The following ARHGAP29 variants were observed in gnomAD, a reference collection of about 807,000 sequenced individuals.
ARHGAP29 encodes the protein rho GTPase-activating protein 29.
A neutral mutation model predicts 122.6 loss-of-function variants in ARHGAP29; 43 were observed. The ratio of observed to expected loss-of-function variants is 0.35; its 90% CI spans 0.27 to 0.45. The LOEUF is 0.45. Ranked by LOEUF, ARHGAP29 falls within the 20% of genes least tolerant of loss-of-function variation. The pLI is 1.00. For synonymous variants in ARHGAP29, 506 were observed against 497.1 expected (o/e 1.02, Z -0.24); for missense variants, 1,303 against 1,477.2 (o/e 0.88, Z 1.93).
At chr1:94,177,395 G>T in intron 22 of ARHGAP29, 1 of 391,760 alleles carries the variant, frequency 2.6e-6, no homozygotes, top group Non-Finnish European at 4.5e-6. Context: ...TAAACTCCAA[G>T]ATGTCTTATT....
chr1:94,310,660 T>C, the ARHGAP29 span, among the ~76,000 whole-genome samples: 1 of 152,168 alleles, frequency 6.6e-6, no homozygotes, highest in Non-Finnish European at 1.5e-5. Flanking sequence ...TACTTCCTTT[T>C]TGCTATCTCA....
At chr1:94,204,144 CTT>C (rs371499898) in intron 7 of ARHGAP29, 150 bp from the exon 8 acceptor site, 4,443 of 372,346 alleles carry the variant, frequency 0.012, no homozygotes, top group South Asian at 0.017. Flanking sequence ...TTCTTTCTTC[CTT>C]TTTTTTTTTT....
chr1:94,293,030 C>T, the ARHGAP29 span, among the ~76,000 whole-genome samples: 3 of 152,238 alleles, frequency 2.0e-5, no homozygotes, highest in Admixed American at 2.0e-4. Context: ...CAGAAGCTGT[C>T]TGCTGCATTT....
chr1:94,186,043 T>C (rs1192445045), intron 16 of ARHGAP29, among the ~76,000 whole-genome samples: 3 of 152,206 alleles, frequency 2.0e-5, no homozygotes, highest in Non-Finnish European at 2.9e-5. Context: ...TATATGAATC[T>C]AATTCAAGTC....
At chr1:94,211,286 C>CAAAA (rs1651586267) in intron 3 of ARHGAP29, among the ~76,000 whole-genome samples, 1 of 1,682 alleles carries the variant, frequency 5.9e-4, no homozygotes. Flanking sequence ...GGCTCTGGCT[C>CAAAA]CAAAAAAAAA....
upstream of ARHGAP29, among the ~76,000 whole-genome samples, chr1:94,241,728 ATATATT>A (rs1653594493): frequency 7.7e-6 from 1 of 130,186 alleles, no homozygotes; most frequent in Admixed American, 8.1e-5. Flanking sequence ...TATATATAAT[ATATATT>A]TATATATATA....
chr1:94,179,822 C>G lies in ARHGAP29; in HGVS notation c.2383G>C (p.Glu795Gln). Reference sequence around the variant, plus strand: ...CTTTTTAGAAGAATTCGGTTTATTTCTATACACATATTTGGCCATTTTTTG... The same window carrying G: ...CTTTTTAGAAGAATTCGGTTTATTTGTATACACATATTTGGCCATTTTTTG... ...EDKKWPNMCI[E>Q]INRILLKSKD... Residue 795 changes from glutamate to glutamine, a missense_variant, in exon 20 of 23, where the codon GAA (glutamate) becomes CAA (glutamine). Physicochemically the swap from Glu to Gln is conservative, Grantham distance 29. Coordinates refer to ENST00000260526, the MANE Select transcript of ARHGAP29 (RefSeq NM_004815.4). The G allele has an allele frequency of 6.2e-7, 1 of 1,613,384 alleles. No homozygotes were observed. The highest frequency in any genetic ancestry group is 8.5e-7 in the Non-Finnish European group (1 of 1,179,678).
chr1:94,222,783 T>C (rs1015916391), intron 2 of ARHGAP29, among the ~76,000 whole-genome samples: 3 of 152,194 alleles, frequency 2.0e-5, no homozygotes, highest in Non-Finnish European at 4.4e-5. Context: ...ATATAAGATG[T>C]TAATACAGTG....
chr1:94,210,112 C>T (rs1651490320), intron 3 of ARHGAP29, among the ~76,000 whole-genome samples: 3 of 152,080 alleles, frequency 2.0e-5, no homozygotes, highest in Admixed American at 1.3e-4. Context: ...ACACGGTTTA[C>T]CAAGACAAAG....
intron 1 of ARHGAP29, among the ~76,000 whole-genome samples, chr1:94,251,931 G>A (rs190284003): frequency 6.6e-6 from 1 of 151,936 alleles, no homozygotes; most frequent in Non-Finnish European, 1.5e-5. Flanking sequence ...TACTAGTATG[G>A]GTATGTTAAG....
intron 5 of ARHGAP29, among the ~76,000 whole-genome samples, chr1:94,207,699 C>T (rs554940003): frequency 1.3e-5 from 2 of 152,176 alleles, no homozygotes; most frequent in East Asian, 1.9e-4. Flanking sequence ...GCTTCAGTAA[C>T]GGTCATAATT....
chr1:94,189,191 C>T, intron 14 of ARHGAP29, 25 bp downstream of exon 14: 1 of 1,575,220 alleles, frequency 6.3e-7, no homozygotes, highest in Non-Finnish European at 8.6e-7. Context: ...TATAAATTAG[C>T]ACTCTCTTTA....
At chr1:94,303,615 G>A in the ARHGAP29 span, among the ~76,000 whole-genome samples, 1 of 152,180 alleles carries the variant, frequency 6.6e-6, no homozygotes, top group African/African-American at 2.4e-5. Context: ...TGACATAAGG[G>A]TTAAATGAGA....
chr1:94,300,166 G>A, the ARHGAP29 span, among the ~76,000 whole-genome samples: 2 of 152,132 alleles, frequency 1.3e-5, no homozygotes, highest in Middle Eastern at 6.3e-3. Flanking sequence ...TGCTTCTCCT[G>A]AAGCCTCATC....
chr1:94,300,730 C>T, the ARHGAP29 span, among the ~76,000 whole-genome samples: 1 of 152,140 alleles, frequency 6.6e-6, no homozygotes, highest in Admixed American at 6.5e-5. Flanking sequence ...GTTCTTAGCA[C>T]CTGGCATAAT....
Position 94,209,317 on chromosome 1 carries a change from T to G in ARHGAP29, c.374A>C (p.Lys125Thr). Reference protein sequence around the residue: ...VNFTEVNEENKNDLFQEVFSS... With the variant: ...VNFTEVNEENTNDLFQEVFSS... ...AAACACTTCCTGGAAGAGATCGTTT[T>G]TGTTTTCTTCATTAACTTCTGTGAA... Residue 125 changes from lysine to threonine, a missense_variant, in exon 4 of 23, where the codon AAA becomes ACA. Lys to Thr is a moderately conservative substitution (Grantham distance 78). Coordinates refer to ENST00000260526, the MANE Select transcript of ARHGAP29 (RefSeq NM_004815.4). 1 of 1,609,282 alleles carries G rather than the reference T, an allele frequency of 6.2e-7. No homozygotes were observed. Among genetic ancestry groups the G allele is most frequent in the South Asian group, 1.1e-5 (1 of 90,238 alleles).
chr1:94,237,723 C>CGCGCGCAGAACGCGACCGTCAGTT, upstream of ARHGAP29: 3 of 985,304 alleles, frequency 3.0e-6, no homozygotes, highest in Non-Finnish European at 3.6e-6. Flanking sequence ...GCAACTAGCT[C>CGCGCGCAGAACGCGACCGTCAGTT]GCGCGCAGAA....
intron 12 of ARHGAP29, among the ~76,000 whole-genome samples, chr1:94,201,394 T>C (rs559508645): frequency 2.3e-4 from 35 of 152,286 alleles, no homozygotes; most frequent in African/African-American, 7.5e-4. Flanking sequence ...GTAAGAATTG[T>C]AACTTATCAG....
At chr1:94,275,744 G>A (rs1251925320), upstream of ARHGAP29, among the ~76,000 whole-genome samples, 2 of 152,086 alleles carry the variant, frequency 1.3e-5, no homozygotes, top group African/African-American at 2.4e-5. Context: ...AGGAACATAC[G>A]AACATATAAG....
Sources: gnomAD v4.1 joint callset for allele counts (sites outside exome capture counted in the v4.1 genomes callset) on GRCh38, gnomAD v4.1.1 for gene constraint, MANE v1.5 for transcripts, NCBI Gene and HGNC (gene_info 2026-07-23, HGNC 2026-07-21) for gene names.